BMPR1B: variants seen among roughly 807,000 people sequenced by gnomAD.
BMPR1B encodes the protein bone morphogenetic protein receptor type 1B.
In BMPR1B, 12 loss-of-function variants were observed where a neutral mutation model predicts 59.1. The ratio of observed to expected loss-of-function variants is 0.20; its 90% CI spans 0.13 to 0.33. The LOEUF (loss-of-function observed/expected upper bound fraction) is 0.33. Among genes scored for constraint, BMPR1B ranks in the 10% least tolerant of loss-of-function variants. The pLI is 1.00. For synonymous variants in BMPR1B, 237 were observed against 207.3 expected, an observed-to-expected ratio of 1.14 and a Z score of -1.23; for missense variants, 550 against 610.9, an observed-to-expected ratio of 0.90 and a Z score of 1.05.
chr4:95,094,199 GATTATTTGCTAAATGAATCAATGTACC>G (rs1408199801), intron 3 of BMPR1B, among the ~76,000 whole-genome samples: 2 of 152,020 alleles, frequency 1.3e-5, no homozygotes, highest in African/African-American at 4.8e-5. Context: ...TGGATTTAAT[GATTATTTGCTAAATGAATCAATGTACC>G]AAGAGATGAA....
intron 3 of BMPR1B, among the ~76,000 whole-genome samples, chr4:95,028,594 A>G (rs959429195): frequency 2.0e-5 from 3 of 152,166 alleles, no homozygotes; most frequent in African/African-American, 7.2e-5. Flanking sequence ...AAAACAGTAA[A>G]TAAACTATTA....
chr4:95,132,348 A>G (rs899627586), intron 10 of BMPR1B, among the ~76,000 whole-genome samples: 5 of 152,206 alleles, frequency 3.3e-5, no homozygotes, highest in African/African-American at 1.2e-4. Context: ...GAGGAGCACA[A>G]AGAAAAAGTC....
intron 3 of BMPR1B, among the ~76,000 whole-genome samples, chr4:95,025,363 A>T (rs1294840136): frequency 6.6e-6 from 1 of 152,226 alleles, no homozygotes. Context: ...TTAGTTGCTT[A>T]GTGGAGAACT....
intron 3 of BMPR1B, among the ~76,000 whole-genome samples, chr4:95,082,802 G>T (rs1022704505): frequency 6.6e-5 from 10 of 152,036 alleles, no homozygotes; most frequent in Admixed American, 1.3e-4. Context: ...ACTTTGGGAG[G>T]CCGAGGCGGG....
At chr4:94,771,861 C>G (rs1722199454) in intron 1 of BMPR1B, among the ~76,000 whole-genome samples, 1 of 152,146 alleles carries the variant, frequency 6.6e-6, no homozygotes, top group Non-Finnish European at 1.5e-5. Context: ...CATTTGAAAT[C>G]AGTTGATAAT....
At chr4:94,795,471 T>C (rs895348621) in intron 1 of BMPR1B, among the ~76,000 whole-genome samples, 9 of 152,202 alleles carry the variant, frequency 5.9e-5, no homozygotes, top group South Asian at 2.1e-4. Context: ...CTCTGGATTA[T>C]TATTATTTTT....
chr4:94,807,517 C>G (rs76457873), intron 1 of BMPR1B, among the ~76,000 whole-genome samples: 12,071 of 152,104 alleles, frequency 0.079, 505 homozygotes, highest in South Asian at 0.11. Flanking sequence ...ATAATTTTAA[C>G]TTTAAGTAGT....
intron 2 of BMPR1B, among the ~76,000 whole-genome samples, chr4:94,975,074 C>T (rs533552903): frequency 6.6e-5 from 10 of 152,208 alleles, no homozygotes; most frequent in African/African-American, 7.2e-5. Flanking sequence ...TTGTTATTTA[C>T]GGTGCCACAA....
At chr4:94,783,458 C>T (rs1226567198) in intron 1 of BMPR1B, among the ~76,000 whole-genome samples, 1 of 152,208 alleles carries the variant, frequency 6.6e-6, no homozygotes, top group Admixed American at 6.5e-5. Flanking sequence ...CCCTTATACT[C>T]TGCTGTTTCA....
At chr4:95,120,665 T>TCCTTTCCTTCCTTC (rs1560669360) in intron 6 of BMPR1B, among the ~76,000 whole-genome samples, 225 of 144,780 alleles carry the variant, frequency 1.6e-3, no homozygotes, top group African/African-American at 5.3e-3. Context: ...CTTCCTTCCT[T>TCCTTTCCTTCCTTC]CTTCTTTCTT....
At chr4:94,938,683 C>T (rs1729404503) in intron 2 of BMPR1B, among the ~76,000 whole-genome samples, 1 of 152,146 alleles carries the variant, frequency 6.6e-6, no homozygotes, top group Non-Finnish European at 1.5e-5. Context: ...CTTACATCTA[C>T]TGTATACCAA....
At chr4:95,049,845 T>C (rs1726342738) in intron 3 of BMPR1B, among the ~76,000 whole-genome samples, 1 of 152,054 alleles carries the variant, frequency 6.6e-6, no homozygotes, top group South Asian at 2.1e-4. Context: ...TGTGGTGTTA[T>C]AACCTTCTTG....
At chr4:95,129,834 A>C in intron 8 of BMPR1B, 28 bp from the exon 9 acceptor site, 10 of 1,608,654 alleles carry the variant, frequency 6.2e-6, no homozygotes, top group Non-Finnish European at 8.5e-6. Flanking sequence ...CTGTGAATAC[A>C]CTAACAGTGT....
chr4:95,135,847 C>G (rs1170001223), intron 10 of BMPR1B, among the ~76,000 whole-genome samples: 3 of 152,046 alleles, frequency 2.0e-5, no homozygotes, highest in East Asian at 3.9e-4. Flanking sequence ...AATTGAATAC[C>G]CTTTATTTCT....
chr4:95,038,334 A>G (rs1725411540), intron 3 of BMPR1B, among the ~76,000 whole-genome samples: 1 of 152,224 alleles, frequency 6.6e-6, no homozygotes, highest in South Asian at 2.1e-4. Flanking sequence ...CAAGGACATC[A>G]TAAGCATCCG....
chr4:94,780,992 A>T (rs1722569202), intron 1 of BMPR1B, among the ~76,000 whole-genome samples: 1 of 151,974 alleles, frequency 6.6e-6, no homozygotes, highest in Non-Finnish European at 1.5e-5. Context: ...CCGGCCTATT[A>T]TCTGTCTTTT....
At chr4:94,767,181 G>A (rs912582233) in intron 1 of BMPR1B, among the ~76,000 whole-genome samples, 1 of 152,100 alleles carries the variant, frequency 6.6e-6, no homozygotes, top group African/African-American at 2.4e-5. Context: ...TGAGATGAAC[G>A]TGGAAAAATT....
chr4:94,908,787 T>TTC (rs1263987785), intron 2 of BMPR1B, among the ~76,000 whole-genome samples: 10 of 152,198 alleles, frequency 6.6e-5, no homozygotes, highest in Middle Eastern at 6.8e-3. Flanking sequence ...AAAAACATTA[T>TTC]AAAAACCCTT....
intron 3 of BMPR1B, among the ~76,000 whole-genome samples, chr4:95,062,439 T>C (rs1300132745): frequency 6.6e-6 from 1 of 152,328 alleles, no homozygotes; most frequent in East Asian, 1.9e-4. Flanking sequence ...ACCTAAAATA[T>C]CTCATTATCT....
Sources: allele counts gnomAD v4.1 joint callset (sites outside exome capture counted in the v4.1 genomes callset), GRCh38; gene constraint gnomAD v4.1.1; transcripts MANE v1.5; gene names NCBI Gene and HGNC (gene_info 2026-07-23, HGNC 2026-07-21).